The following NEBL variants were observed in gnomAD, a reference collection of about 807,000 sequenced individuals.
NEBL encodes nebulette.
In NEBL, 122 loss-of-function variants were observed where a neutral mutation model predicts 140.2. The observed-to-expected ratio is 0.87, with a 90% CI of 0.75 to 1.01. NEBL has a LOEUF of 1.01. Ranked by LOEUF, NEBL falls within the 50% of genes least tolerant of loss-of-function variation. The pLI, the probability that NEBL is intolerant of heterozygous loss-of-function variation, is 0.00. For missense variants in NEBL, 1,365 were observed against 1,231.3 expected (o/e 1.11, Z -1.62); for synonymous variants, 436 against 398.9 (o/e 1.09, Z -1.11).
rs35359446 is a variant in NEBL at position 21,186,988 on chromosome 10, A to ATGTGTG, written n.349-14517_349-14512dup. On this transcript the variant is annotated intron_variant and non_coding_transcript_variant, in intron 3 of 8. Transcript: ENST00000675702. ...CACAGATACAGAGGGCCAACTCTGT[A>ATGTGTG]TGTGTGTGTGTGTGTGTGTGTGTGT... Among the ~76,000 whole-genome samples, 875 of 141,962 alleles carry ATGTGTG rather than the reference A, an allele frequency of 6.2e-3. 7 individuals are homozygous for ATGTGTG. Among genetic ancestry groups the ATGTGTG allele is most frequent in the African/African-American group, 0.015 (602 of 39,084 alleles). 93.1% of individuals were successfully genotyped at this position (141,962 alleles called of 152,430 possible).
intron 7 of NEBL, among the ~76,000 whole-genome samples, chr10:20,866,563 C>T (rs776864599): frequency 1.3e-5 from 2 of 152,166 alleles, no homozygotes; most frequent in African/African-American, 2.4e-5. Flanking sequence ...TCCTCTTGCC[C>T]AGAGGCTCTG....
intron 2 of NEBL, among the ~76,000 whole-genome samples, chr10:21,052,353 T>C (rs1187250122): frequency 1.3e-5 from 2 of 152,210 alleles, no homozygotes; most frequent in African/African-American, 4.8e-5. Context: ...TAAAAGAAGC[T>C]AAGCTTTCCA....
At chr10:20,970,470 C>G (rs1321404545) in intron 3 of NEBL, among the ~76,000 whole-genome samples, 1 of 151,918 alleles carries the variant, frequency 6.6e-6, no homozygotes, top group Non-Finnish European at 1.5e-5. Flanking sequence ...GAGACCTTGT[C>G]TCTGCTCCCC....
chr10:20,861,850 T>C (rs1165361975), intron 7 of NEBL, among the ~76,000 whole-genome samples: 1 of 152,144 alleles, frequency 6.6e-6, no homozygotes, highest in Non-Finnish European at 1.5e-5. Flanking sequence ...CAACTTATGA[T>C]GGGGTTGCAT....
upstream of NEBL, among the ~76,000 whole-genome samples, chr10:20,902,143 C>G (rs890592187): frequency 6.6e-6 from 1 of 152,120 alleles, no homozygotes; most frequent in East Asian, 1.9e-4. Context: ...GTGGCTCACG[C>G]TTGTAATCCC....
rs77562352 is a variant in NEBL at position 21,045,784 on chromosome 10, A to T, written c.165-25583T>A. On this transcript the variant is annotated intron_variant, in intron 2 of 6. Coordinates refer to the NEBL transcript ENST00000417816. ...GATGAAAATGTAAATTAGTATAGCC[A>T]TTATGGAAAACAGCATGGAGATTTC... 5.0e-3 allele frequency among the ~76,000 whole-genome samples: 765 copies of T among 152,356 alleles called. 14 individuals are homozygous for T. The highest frequency in any genetic ancestry group is 0.041 in the Admixed American group (623 of 15,302).
At chr10:20,944,807 C>A (rs954692561) in intron 4 of NEBL, among the ~76,000 whole-genome samples, 6 of 152,244 alleles carry the variant, frequency 3.9e-5, no homozygotes, top group Non-Finnish European at 8.8e-5. Context: ...TACAGAGATA[C>A]AAGAAATCAT....
chr10:20,891,516 C>T (rs1338867546), intron 2 of NEBL, among the ~76,000 whole-genome samples: 2 of 152,082 alleles, frequency 1.3e-5, no homozygotes, highest in Non-Finnish European at 1.5e-5. Context: ...CCATCTATTC[C>T]CCATCACATT....
chr10:20,855,366 A>G (rs1297079788), intron 9 of NEBL, among the ~76,000 whole-genome samples: 1 of 152,018 alleles, frequency 6.6e-6, no homozygotes, highest in Non-Finnish European at 1.5e-5. Flanking sequence ...AAGCTACAAC[A>G]TAGTCCATTA....
intron 3 of NEBL, among the ~76,000 whole-genome samples, chr10:21,215,253 G>T (rs1841973915): frequency 6.6e-6 from 1 of 152,142 alleles, no homozygotes; most frequent in Non-Finnish European, 1.5e-5. Context: ...AGGCTGCAGT[G>T]AGCTATGATC....
At chr10:20,989,687 A>G (rs1211138473) in intron 3 of NEBL, among the ~76,000 whole-genome samples, 1 of 152,240 alleles carries the variant, frequency 6.6e-6, no homozygotes, top group African/African-American at 2.4e-5. Context: ...AGGCCCAGCA[A>G]TAGAACCCCA....
intron 3 of NEBL, among the ~76,000 whole-genome samples, chr10:20,989,387 A>G (rs1837375054): frequency 6.6e-6 from 1 of 152,254 alleles, no homozygotes. Context: ...ACCAAAATAA[A>G]AGATGATATA....
At chr10:20,889,787 A>C in intron 3 of NEBL, 58 bp downstream of exon 3, 3 of 1,030,142 alleles carry the variant, frequency 2.9e-6, no homozygotes, top group Non-Finnish European at 4.6e-6. Context: ...ACAGACTTTC[A>C]TCTATATAAT....
intron 3 of NEBL, among the ~76,000 whole-genome samples, chr10:20,971,863 T>C (rs1162722337): frequency 6.6e-6 from 1 of 152,092 alleles, no homozygotes; most frequent in Non-Finnish European, 1.5e-5. Context: ...TCCGCCTGCC[T>C]CGGCCTCCCA....
chr10:20,994,628 CA>C (rs964134253), intron 3 of NEBL, among the ~76,000 whole-genome samples: 3 of 152,082 alleles, frequency 2.0e-5, no homozygotes, highest in African/African-American at 7.2e-5. Context: ...TTTGGTCCCC[CA>C]AAAAACTTAA....
intron 2 of NEBL, among the ~76,000 whole-genome samples, chr10:21,106,315 T>C (rs1394599275): frequency 6.6e-6 from 1 of 152,218 alleles, no homozygotes; most frequent in Non-Finnish European, 1.5e-5. Flanking sequence ...TTTTTATGGT[T>C]TCAGGTCTAA....
At chr10:20,865,764 CT>C (rs749955682) in intron 7 of NEBL, among the ~76,000 whole-genome samples, 6 of 152,158 alleles carry the variant, frequency 3.9e-5, no homozygotes, top group African/African-American at 7.2e-5. Flanking sequence ...TATAAAGTCG[CT>C]TTATAAGTGA....
At chr10:20,814,488 G>A (rs1227018393) in intron 22 of NEBL, among the ~76,000 whole-genome samples, 2 of 151,662 alleles carry the variant, frequency 1.3e-5, no homozygotes, top group African/African-American at 4.8e-5. Flanking sequence ...TGTAGTCCCA[G>A]CTACTTGAGA....
At chr10:21,121,959 A>G (rs1838593907) in intron 2 of NEBL, among the ~76,000 whole-genome samples, 1 of 152,210 alleles carries the variant, frequency 6.6e-6, no homozygotes, top group Non-Finnish European at 1.5e-5. Flanking sequence ...GGTAATGTAC[A>G]TACAAATACA....
Sources: gnomAD v4.1 joint callset for allele counts (sites outside exome capture counted in the v4.1 genomes callset) on GRCh38, gnomAD v4.1.1 for gene constraint, MANE v1.5 for transcripts, NCBI Gene and HGNC (gene_info 2026-07-23, HGNC 2026-07-21) for gene names.